Variants in TRIM66 observed in about 807,000 individuals in gnomAD.
TRIM66 encodes the protein tripartite motif containing 66.
Under a neutral mutation model 148.2 loss-of-function variants are expected in TRIM66, and 99 were observed. The ratio of observed to expected loss-of-function variants is 0.67; its 90% confidence interval spans 0.57 to 0.79. The LOEUF (loss-of-function observed/expected upper bound fraction) is 0.79, where lower values mean the gene tolerates loss of function less well. Ranked by LOEUF, TRIM66 falls within the 30% of genes least tolerant of loss-of-function variation. The probability of loss-of-function intolerance (pLI) is 0.00; values close to 1 mark genes in which losing one functional copy is unlikely to be tolerated. For missense variants in TRIM66, 1,666 were observed against 1,697.9 expected (o/e 0.98, Z 0.33); for synonymous variants, 616 against 635.9 (o/e 0.97, Z 0.47).
intron 15 of TRIM66, among the ~76,000 whole-genome samples, chr11:8,633,388 A>G (rs1348797424): frequency 1.3e-5 from 2 of 152,192 alleles, no homozygotes; most frequent in African/African-American, 4.8e-5. Context: ...CTGTCTTATT[A>G]AACAGATAGG....
At position 8,621,716 on chromosome 11, in the gene TRIM66, T is replaced by G. The variant is rs1215989619; in HGVS notation, c.3184A>C (p.Lys1062Gln). ...AGGAAGCTCCCATCCTGATCATTCT[T>G]CTGTGGCTTCAGTTTGAACACAGGC... The part of the protein sequence containing the change: ...EMPVFKLKPQ[K>Q]NDQDGSFLLI... The change falls in exon 19 of 25, where the codon AAG becomes CAG. Residue 1062 changes from lysine (K) to glutamine (Q), a missense_variant. By Grantham distance (53) the Lys-to-Gln change is moderately conservative (BLOSUM62 1). Coordinates refer to ENST00000646038, the MANE Select transcript of TRIM66 (RefSeq NM_001388022.1). 6.4e-7 allele frequency: 1 copy of G among 1,551,672 alleles called. No homozygotes were observed. Among genetic ancestry groups the G allele is most frequent in the Non-Finnish European group, 8.7e-7 (1 of 1,147,018 alleles).
chr11:8,640,257 G>T lies in TRIM66; in HGVS notation c.2118C>A (p.Val706=). The part of the protein sequence containing the change: ...INYIVRQPAP[V]QSQSQEETLQ... ...GGGTCTCCTCCTGGCTCTGGGACTG[G>T]ACAGGTGCTGGCTGCCTCACGATGT... The change falls in exon 14 of 25, where the codon GTC becomes GTA. Residue 706 remains valine, a synonymous_variant. Transcript: ENST00000646038. The T allele has an allele frequency of 6.4e-7, 1 of 1,551,690 alleles. No individual in the cohort carries two copies. The highest frequency in any genetic ancestry group is 8.7e-7 in the Non-Finnish European group (1 of 1,147,010).
At chr11:8,683,107 C>A, upstream of TRIM66, 11 of 1,329,778 alleles carry the variant, frequency 8.3e-6, no homozygotes, top group South Asian at 1.2e-5. Flanking sequence ...GAAGTTAGGT[C>A]TTTGACCCAC....
At chr11:8,683,025 G>A (rs2039517575), upstream of TRIM66, 2 of 841,488 alleles carry the variant, frequency 2.4e-6, no homozygotes, top group Admixed American at 2.8e-5. Context: ...GGACACGCGG[G>A]CCCCTGCGCT....
chr11:8,638,592 T>G (rs1565509119), intron 15 of TRIM66, 62 bp downstream of exon 15: 2 of 1,516,970 alleles, frequency 1.3e-6, no homozygotes, highest in East Asian at 5.0e-5. Context: ...CTCCTCCAAG[T>G]GCCTGGGGTC....
At chr11:8,674,729 AG>A (rs1428421492) in intron 4 of TRIM66, 76 bp downstream of exon 4, 1 of 152,170 alleles carries the variant, frequency 6.6e-6, no homozygotes, top group Admixed American at 6.5e-5. Flanking sequence ...TAATTTAATG[AG>A]AAGAGTCACA....
At chr11:8,683,031 G>T, upstream of TRIM66, 9 of 847,226 alleles carry the variant, frequency 1.1e-5, no homozygotes, top group Non-Finnish European at 1.7e-5. Context: ...GCGGGCCCCT[G>T]CGCTACCGTG....
intron 1 of TRIM66, among the ~76,000 whole-genome samples, chr11:8,680,480 G>T (rs2133580791): frequency 6.6e-6 from 1 of 152,330 alleles, no homozygotes; most frequent in South Asian, 2.1e-4. Context: ...TTAAACAGAG[G>T]AAGCACATTG....
chr11:8,624,454 T>C lies in TRIM66; in HGVS notation c.2924A>G (p.Glu975Gly), dbSNP rs1361525914. Reference protein sequence around the residue: ...DAPKDLAIPSELEEPINLSVK... With the variant: ...DAPKDLAIPSGLEEPINLSVK... ...AGAGAGGTTAATTGGCTCCTCCAGT[T>C]CTGAGGGGATGGCCAAGTCCTTGGG... The change falls in exon 17 of 25, where the codon GAA (glutamate) becomes GGA (glycine). Residue 975 changes from glutamate (E) to glycine (G), a missense_variant. Glu to Gly is a moderately conservative substitution (Grantham distance 98, BLOSUM62 -2). Transcript: ENST00000646038. 1 of 1,551,466 alleles carries C rather than the reference T, an allele frequency of 6.4e-7. No homozygotes were observed. Among genetic ancestry groups the C allele is most frequent in the Non-Finnish European group, 8.7e-7 (1 of 1,146,962 alleles).
chr11:8,643,594 G>A (rs531589325), intron 12 of TRIM66, among the ~76,000 whole-genome samples: 51 of 152,064 alleles, frequency 3.4e-4, no homozygotes, highest in African/African-American at 9.9e-4. Context: ...TGCCCACCTC[G>A]GCCTCCCAAA....
chr11:8,671,071 T>C (rs1312875123), intron 6 of TRIM66, among the ~76,000 whole-genome samples: 1 of 152,252 alleles, frequency 6.6e-6, no homozygotes, highest in Non-Finnish European at 1.5e-5. Context: ...TAACCAGTGC[T>C]ATAATGCCTC....
At chr11:8,622,365 C>CACACACACACACACACACATAG in intron 18 of TRIM66, among the ~76,000 whole-genome samples, 1 of 59,576 alleles carries the variant, frequency 1.7e-5, no homozygotes, top group Non-Finnish European at 3.9e-5. Context: ...CACACACACA[C>CACACACACACACACACACATAG]ATATATATAT....
In TRIM66 at chr11:8,640,689, C is replaced by A; in HGVS notation, c.1686G>T (p.Gln562His). 6.4e-7 allele frequency: 1 copy of A among 1,551,608 alleles called. No homozygotes were observed. The highest frequency in any genetic ancestry group is 8.7e-7 in the Non-Finnish European group (1 of 1,146,974). Residue 562 changes from glutamine to histidine, a missense_variant, in exon 14 of 25, where the codon CAG (glutamine) becomes CAT (histidine). Physicochemically the swap from Gln to His is conservative, Grantham distance 24 (BLOSUM62 0). Around this residue, in one of 3 missense-constraint regions of TRIM66, gnomAD observed 1,431 missense variants for 1,412.4 expected, o/e 1.01. Transcript: ENST00000646038. ...GGGCATGGGCTCCTTGCTGAACATCCTGTGGGGGGACAATGCACACGGGCT... is the reference window on the plus strand; with the variant it reads ...GGGCATGGGCTCCTTGCTGAACATCATGTGGGGGGACAATGCACACGGGCT... The part of the protein sequence containing the change: ...TSQPVCIVPP[Q>H]DVQQGAHAQP...
At chr11:8,680,669 T>C (rs1481232753) in intron 1 of TRIM66, 1 of 152,248 alleles carries the variant, frequency 6.6e-6, no homozygotes, top group Non-Finnish European at 1.5e-5. Context: ...GTCTGTAGAA[T>C]GTCCAAGGAA....
At chr11:8,620,681 G>A (rs533011954) in intron 20 of TRIM66, 109 bp from the exon 21 acceptor site, 41 of 1,445,156 alleles carry the variant, frequency 2.8e-5, no homozygotes, top group Non-Finnish European at 3.1e-5. Flanking sequence ...CGGCTTTGCC[G>A]TGTAAGAAAT....
intron 15 of TRIM66, among the ~76,000 whole-genome samples, chr11:8,631,513 T>C (rs188435414): frequency 3.2e-4 from 49 of 152,334 alleles, no homozygotes; most frequent in Non-Finnish European, 6.0e-4. Context: ...GGAGACCATT[T>C]CTTAGTGATA....
rs1565471707 is a variant in TRIM66, at chr11:8,620,507, T to A, written c.3611A>T (p.Asn1204Ile). Reference sequence around the variant, plus strand: ...CATTCCAGGCTGGTTATAGCAGGCATTCTCACAGTCGTACTCCATCTCGGG... The same window carrying A: ...CATTCCAGGCTGGTTATAGCAGGCAATCTCACAGTCGTACTCCATCTCGGG... ...TQPEMEYDCE[N>I]ACYNQPGMRA... The change falls in exon 21 of 25, where the codon AAT (asparagine) becomes ATT (isoleucine). Residue 1204 changes from asparagine (N) to isoleucine (I), a missense_variant. By Grantham distance (149) the Asn-to-Ile change is moderately radical. Coordinates refer to ENST00000646038, the MANE Select transcript of TRIM66 (RefSeq NM_001388022.1). The A allele has an allele frequency of 6.4e-7, 1 of 1,551,796 alleles. No homozygotes were observed. Among genetic ancestry groups the A allele is most frequent in the South Asian group, 1.2e-5 (1 of 84,068 alleles).
intron 6 of TRIM66, chr11:8,663,069 T>A (rs955878727): frequency 3.3e-5 from 5 of 152,252 alleles, no homozygotes; most frequent in African/African-American, 1.2e-4. Context: ...ATAGCTAGCA[T>A]TTGTGTACCC....
upstream of TRIM66, chr11:8,682,776 C>T: frequency 1.9e-6 from 3 of 1,613,616 alleles, no homozygotes; most frequent in Non-Finnish European, 2.5e-6. Flanking sequence ...CCTCGCGAGA[C>T]TTGGCGAAGG....
Sources: allele counts gnomAD v4.1 joint callset (sites outside exome capture counted in the v4.1 genomes callset), GRCh38; gene constraint gnomAD v4.1.1; regional missense constraint gnomAD v4.1.1; transcripts MANE v1.5; gene names NCBI Gene and HGNC (gene_info 2026-07-23, HGNC 2026-07-21).